The following FRY variants were observed in gnomAD, a reference collection of about 807,000 sequenced individuals.
FRY encodes the protein FRY microtubule binding protein.
Under a neutral mutation model 348.4 loss-of-function variants are expected in FRY, and 128 were observed. That is an observed-to-expected ratio of 0.37 (90% confidence interval 0.32 to 0.43). The LOEUF is 0.43. Ranked by LOEUF, FRY falls within the 20% of genes least tolerant of loss-of-function variation. The pLI is 1.00. For synonymous variants in FRY, 1,370 were observed against 1,374.7 expected (o/e 1.00, Z 0.08); for missense variants, 2,736 against 3,695.2 (o/e 0.74, Z 6.73).
chr13:32,204,805 G>C (rs2138337136), intron 31 of FRY, among the ~76,000 whole-genome samples: 1 of 152,302 alleles, frequency 6.6e-6, no homozygotes, highest in Non-Finnish European at 1.5e-5. Flanking sequence ...CTTCACCCAA[G>C]ATTTGTTTGC....
At position 32,249,687 on chromosome 13, in the gene FRY, G is replaced by C. The variant is rs750437675; in HGVS notation, c.7170G>C (p.Gln2390His). 6.2e-7 allele frequency: 1 copy of C among 1,613,824 alleles called. No individual in the cohort carries two copies. Among genetic ancestry groups the C allele is most frequent in the Admixed American group, 1.7e-5 (1 of 60,010 alleles). The change falls in exon 49 of 61, where the codon CAG (glutamine) becomes CAC (histidine). Residue 2390 changes from glutamine (Q) to histidine (H), a missense_variant and splice_region_variant. This residue lies in a region of FRY where 789 missense variants were observed against 996.2 expected (regional missense o/e 0.79). Transcript: ENST00000542859. ...GCTGGAAAAGGCCCCAGTATTCTCA[G>C]GTATGCAATCCTAGACCCACAGTCC... ...PVSWKRPQYSQKRTKEKLVHV... is the reference protein window; with the variant it reads ...PVSWKRPQYSHKRTKEKLVHV...
At chr13:32,293,264 TAAG>T (rs1162109120) in intron 59 of FRY, among the ~76,000 whole-genome samples, 1 of 152,148 alleles carries the variant, frequency 6.6e-6, no homozygotes. Context: ...AGGTTTAAAA[TAAG>T]GAGAAATTTG....
intron 23 of FRY, among the ~76,000 whole-genome samples, chr13:32,182,515 C>T (rs1164785189): frequency 6.6e-6 from 1 of 152,182 alleles, no homozygotes; most frequent in Non-Finnish European, 1.5e-5. Context: ...GTGGTAATTG[C>T]ACCCATCTCT....
At chr13:32,066,814 T>G (rs1024905608) in intron 1 of FRY, among the ~76,000 whole-genome samples, 1 of 152,214 alleles carries the variant, frequency 6.6e-6, no homozygotes, top group African/African-American at 2.4e-5. Flanking sequence ...GGTTTGCCAT[T>G]TAAGACCTTA....
chr13:32,287,538 T>TA (rs1251069631), intron 58 of FRY, among the ~76,000 whole-genome samples: 3 of 152,260 alleles, frequency 2.0e-5, no homozygotes, highest in African/African-American at 7.2e-5. Context: ...TATGCACACT[T>TA]ATACGCTAAA....
chr13:32,125,261 C>T (rs772962375), intron 7 of FRY, among the ~76,000 whole-genome samples: 8 of 152,192 alleles, frequency 5.3e-5, no homozygotes, highest in Non-Finnish European at 1.2e-4. Context: ...TAGAATGTCC[C>T]CTTTACTATA....
chr13:32,073,817 G>A (rs1332165397), intron 1 of FRY, among the ~76,000 whole-genome samples: 4 of 152,120 alleles, frequency 2.6e-5, no homozygotes, highest in Non-Finnish European at 4.4e-5. Context: ...TAACATCTAC[G>A]CCACCATTAG....
At chr13:32,224,652 G>A (rs1414721452) in intron 37 of FRY, among the ~76,000 whole-genome samples, 10 of 152,130 alleles carry the variant, frequency 6.6e-5, no homozygotes, top group Non-Finnish European at 1.3e-4. Context: ...TAGACTGTAA[G>A]CAACTTGATG....
At chr13:32,098,748 A>G (rs189801682) in intron 2 of FRY, among the ~76,000 whole-genome samples, 2 of 152,178 alleles carry the variant, frequency 1.3e-5, no homozygotes, top group South Asian at 2.1e-4. Flanking sequence ...CCCGGCATGT[A>G]GCATTTGACG....
chr13:32,130,972 CACCT>C (rs1164573939), intron 7 of FRY, among the ~76,000 whole-genome samples: 1 of 152,074 alleles, frequency 6.6e-6, no homozygotes, highest in Non-Finnish European at 1.5e-5. Flanking sequence ...CGTGCCACCA[CACCT>C]GGCTAATTTT....
At chr13:32,215,966 A>C (rs1026728956) in intron 35 of FRY, among the ~76,000 whole-genome samples, 2 of 152,194 alleles carry the variant, frequency 1.3e-5, no homozygotes, top group Non-Finnish European at 2.9e-5. Flanking sequence ...AGTAAACCTC[A>C]CCTGTATAAA....
intron 31 of FRY, among the ~76,000 whole-genome samples, chr13:32,206,569 T>C (rs933100629): frequency 1.3e-5 from 2 of 152,090 alleles, no homozygotes; most frequent in South Asian, 2.1e-4. Flanking sequence ...ATGAGCGATA[T>C]TGGAGCATGT....
intron 18 of FRY, 34 bp downstream of exon 18, chr13:32,171,304 CTTTTTTTTTTTTTTT>C: frequency 5.6e-6 from 3 of 531,606 alleles, no homozygotes; most frequent in Admixed American, 4.5e-5. Flanking sequence ...AATTTATATT[CTTTTTTTTTTTTTTT>C]TTTTTTTTTT....
intron 36 of FRY, among the ~76,000 whole-genome samples, chr13:32,219,554 T>C (rs111226264): frequency 0.02 from 2,966 of 148,788 alleles, 49 homozygotes; most frequent in Non-Finnish European, 0.03. Context: ...GTCAGGAGAT[T>C]GAGACCATCC....
At chr13:32,226,289 G>A (rs9567446) in intron 39 of FRY, among the ~76,000 whole-genome samples, 12,987 of 152,232 alleles carry the variant, frequency 0.085, 787 homozygotes, top group East Asian at 0.24. Flanking sequence ...CTAGAACACC[G>A]AAGGATGAGA....
intron 7 of FRY, among the ~76,000 whole-genome samples, chr13:32,127,604 C>T (rs897385734): frequency 1.1e-4 from 17 of 152,106 alleles, no homozygotes; most frequent in African/African-American, 1.7e-4. Flanking sequence ...GTTGAAACCC[C>T]GTCTCTACTA....
intron 17 of FRY, among the ~76,000 whole-genome samples, chr13:32,169,715 A>C (rs1881947377): frequency 6.6e-6 from 1 of 151,978 alleles, no homozygotes; most frequent in Admixed American, 6.6e-5. Context: ...GCCACACCGA[A>C]CTCCATATCC....
chr13:32,057,755 G>T (rs896042562), intron 1 of FRY, among the ~76,000 whole-genome samples: 30 of 152,166 alleles, frequency 2.0e-4, no homozygotes, highest in African/African-American at 6.7e-4. Flanking sequence ...GTCAGGAGAT[G>T]GAGACCATCC....
Position 32,149,751 on chromosome 13 carries a change from C to T in FRY, c.1396C>T (p.Arg466Cys). 1 of 1,579,816 alleles carries T rather than the reference C, an allele frequency of 6.3e-7. No homozygotes were observed. Among genetic ancestry groups the T allele is most frequent in the Non-Finnish European group, 8.7e-7 (1 of 1,149,088 alleles). ...VKIIQFIAQERLDFAMKEIIF... is the reference protein window; with the variant it reads ...VKIIQFIAQECLDFAMKEIIF... Reference sequence around the variant, plus strand: ...TGTGTTCTTGTTTTTACTACAGGAACGTTTAGATTTTGCAATGAAAGAAAT... The same window carrying T: ...TGTGTTCTTGTTTTTACTACAGGAATGTTTAGATTTTGCAATGAAAGAAAT... Residue 466 changes from arginine to cysteine, a missense_variant, in exon 14 of 61, where the codon CGT (arginine) becomes TGT (cysteine). Physicochemically the swap from Arg to Cys is radical, Grantham distance 180 (BLOSUM62 -3). Transcript: ENST00000542859.
Sources: gnomAD v4.1 joint callset for allele counts (sites outside exome capture counted in the v4.1 genomes callset) on GRCh38, gnomAD v4.1.1 for gene constraint, gnomAD v4.1.1 regional missense constraint, MANE v1.5 for transcripts, NCBI Gene and HGNC (gene_info 2026-07-23, HGNC 2026-07-21) for gene names.